Variants in CRACD observed in about 807,000 individuals in gnomAD.
CRACD encodes the protein capping protein inhibiting regulator of actin dynamics, also known as capping protein-inhibiting regulator of actin dynamics.
Under a neutral mutation model 106.8 loss-of-function variants are expected in CRACD, and 56 were observed. That is an observed-to-expected ratio of 0.52 (90% CI 0.42 to 0.66). The LOEUF is 0.66. CRACD is among the 30% of genes least tolerant of loss of function. The probability of loss-of-function intolerance (pLI) is 0.00; values close to 1 mark genes in which losing one functional copy is unlikely to be tolerated. For synonymous variants in CRACD, 754 were observed against 670.8 expected (o/e 1.12, Z -1.92); for missense variants, 1,730 against 1,623.2 (o/e 1.07, Z -1.13).
intron 2 of CRACD, among the ~76,000 whole-genome samples, chr4:56,199,915 C>CATAG: frequency 6.6e-6 from 1 of 151,944 alleles, no homozygotes; most frequent in South Asian, 2.1e-4. Context: ...TGTCTCTTTC[C>CATAG]ATAGACTAGA....
At chr4:56,272,896 C>CT (rs1283293503) in intron 3 of CRACD, among the ~76,000 whole-genome samples, 4 of 81,712 alleles carry the variant, frequency 4.9e-5, no homozygotes, top group Non-Finnish European at 7.1e-5. Context: ...GAGACTCTGC[C>CT]TCAAAAAAAA....
intron 1 of CRACD, among the ~76,000 whole-genome samples, chr4:56,080,842 C>T (rs1165187569): frequency 6.6e-6 from 1 of 152,184 alleles, no homozygotes; most frequent in Non-Finnish European, 1.5e-5. Flanking sequence ...GCAACCAGGG[C>T]ACCAGACCGT....
intron 2 of CRACD, among the ~76,000 whole-genome samples, chr4:56,227,363 G>A (rs2109526389): frequency 7.5e-6 from 1 of 133,230 alleles, no homozygotes; most frequent in South Asian, 2.7e-4. Context: ...GGACACAAAG[G>A]TGGGTAAAAA....
At position 56,190,214 on chromosome 4, in the gene CRACD, T is replaced by C. The variant is rs561308235; in HGVS notation, c.-189+10784T>C. Among the ~76,000 whole-genome samples the C allele has an allele frequency of 2.6e-5, 4 of 152,196 alleles. No homozygotes were observed. In the East Asian group the frequency reaches 7.7e-4, roughly 29 times the overall value. ...TGTGCCACATTTTCTTAATCCAGTC[T>C]ATCATTGTTGGACATTTGGGTTGGT... On this transcript the variant is annotated intron_variant, in intron 2 of 10. Transcript: ENST00000682029.
At chr4:56,254,546 G>A (rs1741236581) in intron 2 of CRACD, among the ~76,000 whole-genome samples, 1 of 152,006 alleles carries the variant, frequency 6.6e-6, no homozygotes, top group South Asian at 2.1e-4. Flanking sequence ...GTACTTCATG[G>A]ATCTCATCTA....
chr4:56,120,392 A>G (rs1003102685), intron 1 of CRACD, among the ~76,000 whole-genome samples: 2 of 152,246 alleles, frequency 1.3e-5, no homozygotes, highest in African/African-American at 4.8e-5. Flanking sequence ...ATGTTTGTTG[A>G]TTAAAGGAAT....
chr4:56,121,127 A>G (rs541542384), intron 1 of CRACD, among the ~76,000 whole-genome samples: 1 of 152,354 alleles, frequency 6.6e-6, no homozygotes, highest in East Asian at 1.9e-4. Context: ...GCAAATAGTC[A>G]TTTAATATCA....
chr4:56,243,013 G>A (rs1740457134), intron 2 of CRACD, among the ~76,000 whole-genome samples: 1 of 152,158 alleles, frequency 6.6e-6, no homozygotes, highest in Admixed American at 6.5e-5. Flanking sequence ...CGAATTTGGA[G>A]AAGCTCCTGA....
chr4:56,238,808 T>C (rs1185262623), intron 2 of CRACD, among the ~76,000 whole-genome samples: 1 of 152,220 alleles, frequency 6.6e-6, no homozygotes, highest in Admixed American at 6.5e-5. Context: ...TTGCTACTGA[T>C]GTTGAAAATA....
intron 2 of CRACD, among the ~76,000 whole-genome samples, chr4:56,241,456 C>CCT (rs372911295): frequency 1.2e-3 from 175 of 152,072 alleles, no homozygotes; most frequent in African/African-American, 4.0e-3. Flanking sequence ...TTACCCCTCC[C>CCT]AATTCCTCTG....
At chr4:56,265,936 C>G (rs73817457) in intron 2 of CRACD, among the ~76,000 whole-genome samples, 1 of 152,002 alleles carries the variant, frequency 6.6e-6, no homozygotes, top group Non-Finnish European at 1.5e-5. Context: ...GAAAATGAAT[C>G]AGATTTGCTT....
rs1158285763 is a variant in CRACD at position 56,070,301 on chromosome 4, A to T, written c.-336+21002A>T. Reference sequence around the variant, plus strand: ...TCTCTCCCTATCTGAGTCCTTGCCCATTTTTTTTTTTTTTTTGAGACGGAG... The same window carrying T: ...TCTCTCCCTATCTGAGTCCTTGCCCTTTTTTTTTTTTTTTTTGAGACGGAG... On this transcript the variant is annotated intron_variant, in intron 1 of 10. Coordinates refer to ENST00000682029, the MANE Select transcript of CRACD (RefSeq NM_001393381.1). 1.6e-3 allele frequency among the ~76,000 whole-genome samples: 208 copies of T among 133,532 alleles called. 1 individual carries two copies. The highest frequency in any genetic ancestry group is 1.2e-3 in the Non-Finnish European group (73 of 62,710). 87.6% of individuals were successfully genotyped at this position (133,532 alleles called of 152,430 possible). A position where few individuals can be genotyped will look rare whatever the true frequency, so the allele number is the denominator to read the frequency against.
intron 2 of CRACD, among the ~76,000 whole-genome samples, chr4:56,219,798 T>C (rs144283046): frequency 6.6e-6 from 1 of 152,336 alleles, no homozygotes; most frequent in Non-Finnish European, 1.5e-5. Flanking sequence ...TAGCTTAAAG[T>C]CCCATGATTT....
At chr4:56,276,268 G>T (rs1408177913) in intron 3 of CRACD, among the ~76,000 whole-genome samples, 1 of 152,084 alleles carries the variant, frequency 6.6e-6, no homozygotes, top group African/African-American at 2.4e-5. Context: ...TTTAAAAGAG[G>T]GAGAGGGTCA....
intron 1 of CRACD, among the ~76,000 whole-genome samples, chr4:56,091,973 A>G (rs1310434992): frequency 6.6e-6 from 1 of 152,206 alleles, no homozygotes; most frequent in Non-Finnish European, 1.5e-5. Context: ...GCTTGAGGCC[A>G]GGTGTTTGAG....
chr4:56,105,471 C>G (rs1026031952), intron 1 of CRACD, among the ~76,000 whole-genome samples: 2 of 152,146 alleles, frequency 1.3e-5, no homozygotes, highest in African/African-American at 4.8e-5. Flanking sequence ...TGTGCTCCAG[C>G]ATGGGCAACA....
chr4:56,055,129 A>G (rs555188127), intron 1 of CRACD, among the ~76,000 whole-genome samples: 1 of 152,290 alleles, frequency 6.6e-6, no homozygotes, highest in Admixed American at 6.5e-5. Flanking sequence ...AGAAAAAGGA[A>G]GGACAAGTTG....
rs545506498 is a variant in CRACD at position 56,214,681 on chromosome 4, C to CTATATATATATATA, written c.-189+35253_-189+35266dup. 2.3e-3 allele frequency among the ~76,000 whole-genome samples: 188 copies of CTATATATATATATA among 80,754 alleles called. 1 individual carries two copies. The highest frequency in any genetic ancestry group is 3.7e-3 in the African/African-American group (88 of 23,474). The allele number at this position is 80,754 out of a possible 152,430, so 53.0% of individuals were successfully genotyped here. ...TCTCTCTCTCTCTCTCTCTCTCTCT[C>CTATATATATATATA]TATATATATATATATCAAACAGTTA... On this transcript the variant is annotated intron_variant, in intron 2 of 10. Transcript: ENST00000682029.
At chr4:56,074,526 G>T (rs866135359) in intron 1 of CRACD, among the ~76,000 whole-genome samples, 1 of 152,144 alleles carries the variant, frequency 6.6e-6, no homozygotes, top group Non-Finnish European at 1.5e-5. Context: ...TGATTTTTGC[G>T]CATTGATTTT....
Sources: allele counts gnomAD v4.1 joint callset (sites outside exome capture counted in the v4.1 genomes callset), GRCh38; gene constraint gnomAD v4.1.1; transcripts MANE v1.5; gene names NCBI Gene and HGNC (gene_info 2026-07-23, HGNC 2026-07-21).